Variants in DHX38 observed in about 807,000 individuals in gnomAD.
DHX38 encodes DEAH-box helicase 38.
Under a neutral mutation model 153.1 loss-of-function variants are expected in DHX38, and 100 were observed. The observed-to-expected ratio is 0.65, with a 90% CI of 0.56 to 0.77. The LOEUF (loss-of-function observed/expected upper bound fraction) is 0.77. Among genes scored for constraint, DHX38 ranks in the 30% least tolerant of loss-of-function variants. The probability of loss-of-function intolerance (pLI) is 0.00; values close to 1 mark genes in which losing one functional copy is unlikely to be tolerated. For synonymous variants in DHX38, 650 were observed against 631.7 expected (o/e 1.03, Z -0.43); for missense variants, 1,440 against 1,654.0 (o/e 0.87, Z 2.24).
chr16:72,098,587 C>T, intron 4 of DHX38, 58 bp from the exon 5 acceptor site: 1 of 1,597,600 alleles, frequency 6.3e-7, no homozygotes, highest in East Asian at 2.2e-5. Flanking sequence ...GCAACTGGTT[C>T]TAGACCATGT....
At position 72,107,741 on chromosome 16, in the gene DHX38, C is replaced by T. The variant is rs11554765; in HGVS notation, c.2906C>T (p.Ser969Phe). The T allele has an allele frequency of 9.2e-3, 14,863 of 1,614,076 alleles. 88 individuals carry two copies. The highest frequency in any genetic ancestry group is 0.011 in the Non-Finnish European group (13,561 of 1,180,016). The change falls in exon 21 of 27, where the codon TCC (serine) becomes TTC (phenylalanine). Residue 969 changes from serine (S) to phenylalanine (F), a missense_variant. This residue lies in a region of DHX38 where 543 missense variants were observed against 717.9 expected (regional missense o/e 0.76). Transcript: ENST00000268482. The surrounding 1 kb of genome is among the most constrained non-coding windows in gnomAD (Gnocchi z 5.3). ...GTGTCCTGTGACATGGGCTGCAGCT[C>T]CGAGATCCTGCTCATCGTTTCCATG... ...LIVSCDMGCS[S>F]EILLIVSMLS...
intron 10 of DHX38, 135 bp downstream of exon 10, chr16:72,101,328 G>A (rs2042097761): frequency 8.5e-7 from 1 of 1,173,322 alleles, no homozygotes; most frequent in East Asian, 2.6e-5. Flanking sequence ...ACAGCTGCGG[G>A]GCCTGGTGTT....
At position 72,105,019 on chromosome 16, in the gene DHX38, T is replaced by C. The variant is rs2042154308; in HGVS notation, c.2152-8T>C. ...CTCCCTCTGACTGTGTCCCCACTGC[T>C]GTTGCAGACCCCACAGGAGGATTAC... On this transcript the variant is annotated splice_region_variant and splice_polypyrimidine_tract_variant and intron_variant, in intron 15 of 26. Coordinates refer to ENST00000268482, the MANE Select transcript of DHX38 (RefSeq NM_014003.4). 1.2e-6 allele frequency: 2 copies of C among 1,613,378 alleles called. No individual in the cohort carries two copies. Among genetic ancestry groups the C allele is most frequent in the African/African-American group, 2.7e-5 (2 of 74,910 alleles).
At chr16:72,095,092 C>G (rs1326983433) in intron 1 of DHX38, among the ~76,000 whole-genome samples, 1 of 152,236 alleles carries the variant, frequency 6.6e-6, no homozygotes, top group Non-Finnish European at 1.5e-5. Context: ...GTTTGGTAAA[C>G]AATTCTGGAT....
In DHX38 at chr16:72,111,176, C is replaced by G. The variant is rs1408877827; in HGVS notation, c.3599+99C>G. 20 of 1,427,148 alleles carry G rather than the reference C, an allele frequency of 1.4e-5. No individual in the cohort carries two copies. In the South Asian group the frequency reaches 2.1e-4, roughly 15 times the overall value. 88.4% of individuals were successfully genotyped at this position (1,427,148 alleles called of 1,614,324 possible). ...CAGGGTCAGGATTTATGGGAAGGTG[C>G]ATGTGTGAAGGCAAACTGGTGACAG... On this transcript the variant is annotated intron_variant, in intron 26 of 26. Transcript: ENST00000268482.
Position 72,098,787 on chromosome 16 carries a change from A to C in DHX38, c.759A>C (p.Arg253=). The C allele has an allele frequency of 6.2e-7, 1 of 1,614,018 alleles. No individual in the cohort carries two copies. The highest frequency in any genetic ancestry group is 8.5e-7 in the Non-Finnish European group (1 of 1,179,956). Residue 253 remains arginine, a synonymous_variant, in exon 5 of 27, where the codon CGA becomes CGC. Coordinates refer to ENST00000268482, the MANE Select transcript of DHX38 (RefSeq NM_014003.4). ...ERSHRLSTRD[R]DRSVRGKYSD... is the part of the protein sequence containing the mutation. The stretch of plus-strand genomic sequence containing the variant: ...GCCATCGGCTGTCCACTCGAGATCG[A>C]GACAGGTGATGTTCTGGGCAGAGCA...
intron 4 of DHX38, 120 bp downstream of exon 4, chr16:72,097,901 C>T (rs1247451464): frequency 1.0e-6 from 1 of 969,426 alleles, no homozygotes; most frequent in Non-Finnish European, 1.6e-6. Context: ...CTACCATGAA[C>T]ATCTTGGGAT....
At position 72,101,494 on chromosome 16, in the gene DHX38, T is replaced by G; in HGVS notation, c.1387-6T>G. 6.4e-7 allele frequency: 1 copy of G among 1,551,624 alleles called. No homozygotes were observed. The highest frequency in any genetic ancestry group is 2.4e-5 in the East Asian group (1 of 40,928). ...GATGGAGCAGACTGACCTTTTTCCT[T>G]TTCAGGCTCAGCACAAACACTGGGA... On this transcript the variant is annotated splice_region_variant and splice_polypyrimidine_tract_variant and intron_variant, in intron 10 of 26. Coordinates refer to ENST00000268482, the MANE Select transcript of DHX38 (RefSeq NM_014003.4).
Position 72,107,919 on chromosome 16 carries a change from G to A in DHX38, c.2964+120G>A. 6 of 1,394,500 alleles carry A rather than the reference G, an allele frequency of 4.3e-6. No individual in the cohort carries two copies. Among genetic ancestry groups the A allele is most frequent in the Non-Finnish European group, 5.8e-6 (6 of 1,042,844 alleles). 86.4% of individuals were successfully genotyped at this position (1,394,500 alleles called of 1,614,324 possible). On this transcript the variant is annotated intron_variant, in intron 21 of 26. Coordinates refer to ENST00000268482, the MANE Select transcript of DHX38 (RefSeq NM_014003.4). The surrounding 1 kb of genome is among the most constrained non-coding windows in gnomAD (Gnocchi z 5.3). ...GGCAGAATCAGAGTTTCTGAAGAATGATTTTGCTGTTCTCGGTTAAGCAGG... is the reference window on the plus strand; with the variant it reads ...GGCAGAATCAGAGTTTCTGAAGAATAATTTTGCTGTTCTCGGTTAAGCAGG...
chr16:72,107,320 TG>T lies in DHX38; in HGVS notation c.2601-16del. ...GTGGGGTTTCCTTGTGGTGAGAAGA[TG>T]GGGTCTTCTCCCCGGCAGGCTCTAC... On this transcript the variant is annotated intron_variant, in intron 19 of 26. Transcript: ENST00000268482. This position sits in a 1 kb window ranked among gnomAD's most constrained non-coding sequence, Gnocchi z 5.3. 1.9e-6 allele frequency: 3 copies of T among 1,594,856 alleles called. No individual in the cohort carries two copies. Among genetic ancestry groups the T allele is most frequent in the Non-Finnish European group, 2.6e-6 (3 of 1,174,636 alleles).
intron 26 of DHX38, among the ~76,000 whole-genome samples, chr16:72,111,477 T>C (rs1202053083): frequency 2.0e-5 from 3 of 152,220 alleles, no homozygotes; most frequent in African/African-American, 7.2e-5. Flanking sequence ...TCACTTCAGA[T>C]ACCAGCTGCA....
intron 11 of DHX38, among the ~76,000 whole-genome samples, 191 bp from the exon 12 acceptor site, chr16:72,102,883 G>A (rs1206456870): frequency 6.6e-6 from 1 of 152,206 alleles, no homozygotes; most frequent in Non-Finnish European, 1.5e-5. Flanking sequence ...GTGTGTTGTG[G>A]ATGATGGATT....
chr16:72,093,877 G>C lies in DHX38; in HGVS notation c.-194G>C, dbSNP rs1348297110. The C allele has an allele frequency of 6.6e-6, 1 of 152,368 alleles. No homozygotes were observed. The highest frequency in any genetic ancestry group is 2.4e-5 in the African/African-American group (1 of 41,462). The allele number at this position is 152,368 out of a possible 1,614,324, so 9.4% of individuals were successfully genotyped here. A position where few individuals can be genotyped will look rare whatever the true frequency, so the allele number is the denominator to read the frequency against. On this transcript the variant is annotated 5_prime_UTR_variant, in exon 1 of 27. Coordinates refer to ENST00000268482, the MANE Select transcript of DHX38 (RefSeq NM_014003.4). The stretch of plus-strand genomic sequence containing the variant: ...GATCCAGGAATCGGGCGTGTTCCAG[G>C]CTGCTCTCTATGGTAGCTTTGGGCG...
chr16:72,112,038 A>G, intron 26 of DHX38: 1 of 243,916 alleles, frequency 4.1e-6, no homozygotes. Context: ...TGAATAGCAG[A>G]CACTCCAGTC....
rs1179960007 is a variant in DHX38 at position 72,098,625 on chromosome 16, A to T, written c.617-20A>T. ...TGGTTAAGTGAGATGTTTCCTGTGG[A>T]TGTGTCTTTTGTGGCCCAGATGCAG... On this transcript the variant is annotated intron_variant, in intron 4 of 26. Coordinates refer to ENST00000268482, the MANE Select transcript of DHX38 (RefSeq NM_014003.4). 4.3e-6 allele frequency: 7 copies of T among 1,612,352 alleles called. No homozygotes were observed. The East Asian group carries it at 1.6e-4, about 36-fold the overall frequency.
At chr16:72,098,414 C>T (rs546734986) in intron 4 of DHX38, among the ~76,000 whole-genome samples, 14 of 152,120 alleles carry the variant, frequency 9.2e-5, no homozygotes, top group African/African-American at 3.1e-4. Context: ...GCCTGGGCGA[C>T]AGAGCAAGAC....
In DHX38 at chr16:72,105,049, A is replaced by T. The variant is rs755434661; in HGVS notation, c.2174A>T (p.Glu725Val). Residue 725 changes from glutamate (E) to valine (V), a missense_variant, in exon 16 of 27, where the codon GAG becomes GTG. Transcript: ENST00000268482. ...CAGACCCCACAGGAGGATTACGTGG[A>T]GGCTGCAGTGAAGCAGTCCTTGCAG... is the stretch of plus-strand genomic sequence containing the variant. ...FSKTPQEDYV[E>V]AAVKQSLQVH... 16 of 1,614,040 alleles carry T rather than the reference A, an allele frequency of 9.9e-6. No individual in the cohort carries two copies. The highest frequency in any genetic ancestry group is 1.2e-5 in the Non-Finnish European group (14 of 1,180,040).
At chr16:72,098,846 C>T (rs923983084) in intron 5 of DHX38, 54 bp downstream of exon 5, 34 of 1,613,278 alleles carry the variant, frequency 2.1e-5, no homozygotes, top group African/African-American at 5.3e-5. Flanking sequence ...TAAGGAGCCT[C>T]GGCAGGGAGA....
chr16:72,104,479 C>T lies in DHX38; in HGVS notation c.2011-7C>T, dbSNP rs1326070299. The T allele has an allele frequency of 6.2e-7, 1 of 1,613,646 alleles. No individual in the cohort carries two copies. The highest frequency in any genetic ancestry group is 8.5e-7 in the Non-Finnish European group (1 of 1,179,996). On this transcript the variant is annotated splice_polypyrimidine_tract_variant and splice_region_variant and intron_variant, in intron 14 of 26. Transcript: ENST00000268482. The surrounding 1 kb of genome is among the most constrained non-coding windows in gnomAD (Gnocchi z 4.5). ...CATGGGGGCCTCCGAGCCGCCTCTT[C>T]TCTCAGGTAGTGGCTCGGCGCTCAG...
Sources: gnomAD v4.1 joint callset for allele counts (sites outside exome capture counted in the v4.1 genomes callset) on GRCh38, gnomAD v4.1.1 for gene constraint, gnomAD v4.1.1 regional missense constraint, Gnocchi (gnomAD v3.1) non-coding constraint, MANE v1.5 for transcripts, NCBI Gene and HGNC (gene_info 2026-07-23, HGNC 2026-07-21) for gene names.